The following ETNPPL variants were observed in gnomAD, a reference collection of about 807,000 sequenced individuals.
The protein encoded by ETNPPL is ethanolamine-phosphate phospho-lyase.
Under a neutral mutation model 55.5 loss-of-function variants are expected in ETNPPL, and 30 were observed. The ratio of observed to expected loss-of-function variants is 0.54; its 90% CI spans 0.40 to 0.73. The LOEUF is 0.73. Ranked by LOEUF, ETNPPL falls within the 30% of genes least tolerant of loss-of-function variation. ETNPPL has a pLI of 0.00. For missense variants in ETNPPL, 528 were observed against 607.9 expected, an observed-to-expected ratio of 0.87 and a Z score of 1.38; for synonymous variants, 202 against 207.2, an observed-to-expected ratio of 0.98 and a Z score of 0.21.
chr4:108,751,434 G>C (rs1728909060), intron 6 of ETNPPL, among the ~76,000 whole-genome samples: 1 of 152,142 alleles, frequency 6.6e-6, no homozygotes, highest in South Asian at 2.1e-4. Context: ...GCTGCTTGAG[G>C]CTGGAATTTG....
chr4:108,758,725 T>G (rs1729350375), intron 3 of ETNPPL, among the ~76,000 whole-genome samples: 1 of 152,238 alleles, frequency 6.6e-6, no homozygotes. Flanking sequence ...CTGGTGGCCC[T>G]GTGCATGGCC....
At chr4:108,757,893 C>G (rs1386666441) in intron 3 of ETNPPL, among the ~76,000 whole-genome samples, 2 of 151,834 alleles carry the variant, frequency 1.3e-5, no homozygotes, top group African/African-American at 2.4e-5. Flanking sequence ...GTGTGACCAC[C>G]ATGCTGGACA....
At chr4:108,757,254 C>A (rs1441553655) in intron 3 of ETNPPL, among the ~76,000 whole-genome samples, 1 of 151,906 alleles carries the variant, frequency 6.6e-6, no homozygotes, top group African/African-American at 2.4e-5. Flanking sequence ...AATATACTAC[C>A]CAAAAAAAGG....
Position 108,742,258 on chromosome 4 carries a change from C to G in ETNPPL, c.*226G>C, listed in dbSNP as rs1365652417. 5 of 365,304 alleles carry G rather than the reference C, an allele frequency of 1.4e-5. No homozygotes were observed. Among genetic ancestry groups the G allele is most frequent in the Non-Finnish European group, 2.0e-5 (4 of 200,086 alleles). The allele number at this position is 365,304 out of a possible 1,614,324, so 22.6% of individuals were successfully genotyped here. A position where few individuals can be genotyped will look rare whatever the true frequency, so the allele number is the denominator to read the frequency against. ...CAATTTAATAGAATAAATCAGGTAG[C>G]TTCAGAAATCAACTAAGAAAATTAA... On this transcript the variant is annotated 3_prime_UTR_variant, in exon 13 of 13. Coordinates refer to ENST00000296486, the MANE Select transcript of ETNPPL (RefSeq NM_031279.4).
intron 1 of ETNPPL, 63 bp from the exon 2 acceptor site, chr4:108,760,369 A>G: frequency 1.2e-6 from 1 of 857,850 alleles, no homozygotes; most frequent in Non-Finnish European, 1.9e-6. Flanking sequence ...TTTCCTTCTC[A>G]ATGAAGGTCC....
chr4:108,753,840 A>G (rs1378162126), intron 5 of ETNPPL, among the ~76,000 whole-genome samples: 1 of 151,612 alleles, frequency 6.6e-6, no homozygotes, highest in African/African-American at 2.4e-5. Flanking sequence ...AAGAAATTAT[A>G]CTGTTCCTCA....
chr4:108,756,588 G>A, intron 3 of ETNPPL, 96 bp from the exon 4 acceptor site: 1 of 938,586 alleles, frequency 1.1e-6, no homozygotes. Context: ...TGTAATCCTA[G>A]CGCTTTGAGA....
In ETNPPL at chr4:108,742,721, A is replaced by G. The variant is rs1379921561; in HGVS notation, c.1372-109T>C. 17 of 1,206,838 alleles carry G rather than the reference A, an allele frequency of 1.4e-5. No individual in the cohort carries two copies. In the African/African-American group the frequency reaches 2.2e-4, roughly 16 times the overall value. The allele number at this position is 1,206,838 out of a possible 1,614,324, so 74.8% of individuals were successfully genotyped here. A position where few individuals can be genotyped will look rare whatever the true frequency, so the allele number is the denominator to read the frequency against. ...AACAAAGGACACAGAAAAACCAAAC[A>G]AAACAACACTGCTTGCTCCTTTCTA... is the stretch of plus-strand genomic sequence containing the variant. On this transcript the variant is annotated intron_variant, in intron 12 of 12. Transcript: ENST00000296486.
chr4:108,762,802 GC>G, intron 1 of ETNPPL, 40 bp downstream of exon 1: 2 of 1,606,282 alleles, frequency 1.2e-6, no homozygotes, highest in Non-Finnish European at 1.7e-6. Flanking sequence ...ACTCGTTATT[GC>G]CCCCTCTCTG....
rs767838850 is a variant in ETNPPL, at chr4:108,749,238, C to T, written c.927G>A (p.Thr309=). The T allele has an allele frequency of 1.3e-5, 21 of 1,605,132 alleles. No individual in the cohort carries two copies. Among genetic ancestry groups the T allele is most frequent in the South Asian group, 7.7e-5 (7 of 90,818 alleles). ...ATTAAAGTTGGAGACCAAAATGTAC[C>T]GTATTAAAATATTCCATCCCAGAGC... ...FSSSGMEYFN[T]YGGNPVSCAV... is the part of the protein sequence containing the mutation. The change falls in exon 8 of 13, where the codon ACG becomes ACA. Residue 309 remains threonine (T), a splice_region_variant and synonymous_variant. Coordinates refer to ENST00000296486, the MANE Select transcript of ETNPPL (RefSeq NM_031279.4).
chr4:108,760,176 C>T lies in ETNPPL; in HGVS notation c.175+12G>A. 6.6e-7 allele frequency: 1 copy of T among 1,522,004 alleles called. No individual in the cohort carries two copies. 94.3% of individuals were successfully genotyped at this position (1,522,004 alleles called of 1,614,324 possible). On this transcript the variant is annotated intron_variant, in intron 2 of 12. Transcript: ENST00000296486. ...CATTTCCTCCAAAGCACTGCAAGGA[C>T]AGGACATTTACCATGGGCAACATTG...
chr4:108,759,905 C>A lies in ETNPPL; in HGVS notation c.179G>T (p.Gly60Val), dbSNP rs767636985. The change falls in exon 3 of 13, where the codon GGA (glycine) becomes GTA (valine). Residue 60 changes from glycine to valine, a missense_variant. Gly to Val is a moderately radical substitution (Grantham distance 109). Transcript: ENST00000296486. Reference protein sequence around the residue: ...LDCINNVAHVGHCHPGVVKAA... With the variant: ...LDCINNVAHVVHCHPGVVKAA... The stretch of plus-strand genomic sequence containing the variant: ...TTTGACCACTCCTGGGTGACAGTGT[C>A]CCACTAAAATTTATGAAACAAAAGC... The A allele has an allele frequency of 6.2e-7, 1 of 1,612,884 alleles. No individual in the cohort carries two copies. The highest frequency in any genetic ancestry group is 1.1e-5 in the South Asian group (1 of 90,792).
chr4:108,762,775 C>T, intron 1 of ETNPPL, 68 bp downstream of exon 1: 2 of 1,554,260 alleles, frequency 1.3e-6, no homozygotes, highest in Non-Finnish European at 1.8e-6. Context: ...AGCCGGCTTT[C>T]TCTCTCCACC....
Position 108,759,608 on chromosome 4 carries a change from T to C in ETNPPL, c.335+141A>G, listed in dbSNP as rs2276972. 5.8e-4 allele frequency: 444 copies of C among 759,108 alleles called. 3 individuals are homozygous for C. In the East Asian group the frequency reaches 0.01, roughly 17 times the overall value. 47.0% of individuals were successfully genotyped at this position (759,108 alleles called of 1,614,324 possible). A position where few individuals can be genotyped will look rare whatever the true frequency, so the allele number is the denominator to read the frequency against. On this transcript the variant is annotated intron_variant, in intron 3 of 12. Coordinates refer to ENST00000296486, the MANE Select transcript of ETNPPL (RefSeq NM_031279.4). ...AGAACCAGAAAGGCTAGGTCCCTAA[T>C]GTGTGATCACTTAGTGAATGGCAAG...
intron 11 of ETNPPL, among the ~76,000 whole-genome samples, chr4:108,744,801 G>A (rs1378444639): frequency 7.0e-6 from 1 of 143,100 alleles, no homozygotes; most frequent in African/African-American, 2.6e-5. Context: ...TGCAACCTCT[G>A]CCTTGCAGTC....
rs150358103 is a variant in ETNPPL, at chr4:108,746,141, C to A, written c.1303+258G>T. On this transcript the variant is annotated intron_variant, in intron 11 of 12. Coordinates refer to ENST00000296486, the MANE Select transcript of ETNPPL (RefSeq NM_031279.4). ...GCTAGTCTAAAGTAAAAATAAATGACAAAACTATGTTCTTTCAGCAAAAAC... is the reference window on the plus strand; with the variant it reads ...GCTAGTCTAAAGTAAAAATAAATGAAAAAACTATGTTCTTTCAGCAAAAAC... 6.7e-3 allele frequency among the ~76,000 whole-genome samples: 1,019 copies of A among 152,134 alleles called. 35 individuals carry two copies. Among genetic ancestry groups the A allele is most frequent in the Admixed American group, 0.044 (678 of 15,282 alleles).
At chr4:108,744,769 GA>G (rs1728388060) in intron 11 of ETNPPL, among the ~76,000 whole-genome samples, 1 of 140,316 alleles carries the variant, frequency 7.1e-6, no homozygotes, top group African/African-American at 2.7e-5. Context: ...CACCCAGGCT[GA>G]AGTGTAGTGG....
rs757562491 is a variant in ETNPPL, at chr4:108,742,520, A to G, written c.1464T>C (p.Asp488=). The part of the protein sequence containing the change: ...PSRKRNGMCT[D]THSLLSKRLK... ...GCCTCTTACTGAGCAGTGAATGTGT[A>G]TCCGTGCACATTCCATTTCTCTTTC... Residue 488 remains aspartate (D), a synonymous_variant, in exon 13 of 13, where the codon GAT becomes GAC. Coordinates refer to ENST00000296486, the MANE Select transcript of ETNPPL (RefSeq NM_031279.4). 9 of 1,614,062 alleles carry G rather than the reference A, an allele frequency of 5.6e-6. No homozygotes were observed. Among genetic ancestry groups the G allele is most frequent in the Non-Finnish European group, 7.6e-6 (9 of 1,180,026 alleles).
In ETNPPL at chr4:108,756,495, A is replaced by G. The variant is rs1729204065; in HGVS notation, c.336-3T>C. ...AGGCTAAGTCGTTGGCTTCGGATCTATTAAGATAACATAGAGAGAGAGGAC... is the reference window on the plus strand; with the variant it reads ...AGGCTAAGTCGTTGGCTTCGGATCTGTTAAGATAACATAGAGAGAGAGGAC... On this transcript the variant is annotated splice_region_variant and splice_polypyrimidine_tract_variant and intron_variant, in intron 3 of 12. Transcript: ENST00000296486. The G allele has an allele frequency of 6.2e-7, 1 of 1,611,548 alleles. No homozygotes were observed. Among genetic ancestry groups the G allele is most frequent in the Middle Eastern group, 1.6e-4 (1 of 6,078 alleles).
Sources: allele counts gnomAD v4.1 joint callset (sites outside exome capture counted in the v4.1 genomes callset), GRCh38; gene constraint gnomAD v4.1.1; transcripts MANE v1.5; gene names NCBI Gene and HGNC (gene_info 2026-07-23, HGNC 2026-07-21).